Variants in CEBPG observed in about 807,000 individuals in gnomAD.
CEBPG encodes the protein CCAAT enhancer binding protein gamma, also known as CCAAT/enhancer-binding protein gamma.
Under a neutral mutation model 11.1 loss-of-function variants are expected in CEBPG, and 6 were observed. The observed-to-expected ratio is 0.54, with a 90% CI of 0.30 to 1.07. CEBPG has a LOEUF of 1.07. Ranked by LOEUF, CEBPG falls within the 50% of genes least tolerant of loss-of-function variation. The pLI is 0.07. For synonymous variants in CEBPG, 66 were observed against 71.0 expected (o/e 0.93, Z 0.36); for missense variants, 161 against 187.4 (o/e 0.86, Z 0.82).
At chr19:33,376,944 C>T (rs1967918871) in intron 1 of CEBPG, among the ~76,000 whole-genome samples, 1 of 152,198 alleles carries the variant, frequency 6.6e-6, no homozygotes, top group Non-Finnish European at 1.5e-5. Flanking sequence ...ACAAAACATT[C>T]TTGGAGTTAT....
chr19:33,377,516 G>T lies in CEBPG; in HGVS notation c.-96-1628G>T, dbSNP rs575019963. On this transcript the variant is annotated intron_variant, in intron 1 of 1. Coordinates refer to ENST00000284000, the MANE Select transcript of CEBPG (RefSeq NM_001806.4). ...CAGTCTCAGGGGAGGTGTTAAACAA[G>T]TTCTTAAAAATTGAGTAAAGCACCT... Among the ~76,000 whole-genome samples the T allele has an allele frequency of 2.0e-5, 3 of 152,266 alleles. No homozygotes were observed. The South Asian group carries it at 6.2e-4, about 32-fold the overall frequency.
At chr19:33,378,798 A>T (rs764052047) in intron 1 of CEBPG, among the ~76,000 whole-genome samples, 1 of 152,174 alleles carries the variant, frequency 6.6e-6, no homozygotes, top group African/African-American at 2.4e-5. Context: ...CTCCTACTAC[A>T]GTCAGCTGCA....
In CEBPG at chr19:33,379,904, G is replaced by C. The variant is rs1171877067; in HGVS notation, c.*212G>C. Reference sequence around the variant, plus strand: ...GGTTTTAAATGATAGAGGTTTTTGTGGGAATCAAAATCCCCCAAATGTTAA... The same window carrying C: ...GGTTTTAAATGATAGAGGTTTTTGTCGGAATCAAAATCCCCCAAATGTTAA... On this transcript the variant is annotated 3_prime_UTR_variant, in exon 2 of 2. Coordinates refer to ENST00000284000, the MANE Select transcript of CEBPG (RefSeq NM_001806.4). 1 of 470,240 alleles carries C rather than the reference G, an allele frequency of 2.1e-6. No homozygotes were observed. Among genetic ancestry groups the C allele is most frequent in the Non-Finnish European group, 3.8e-6 (1 of 260,990 alleles). 29.1% of individuals were successfully genotyped at this position (470,240 alleles called of 1,614,324 possible). A position where few individuals can be genotyped will look rare whatever the true frequency, so the allele number is the denominator to read the frequency against.
intron 1 of CEBPG, among the ~76,000 whole-genome samples, chr19:33,376,566 A>T (rs777610965): frequency 1.3e-5 from 2 of 152,112 alleles, no homozygotes; most frequent in Non-Finnish European, 2.9e-5. Flanking sequence ...TACATTTCTA[A>T]AGAGTTCCTG....
rs766495243 is a variant in CEBPG at position 33,379,684 on chromosome 19, G to T, written c.445G>T (p.Gly149Ter). 4 of 1,609,140 alleles carry T rather than the reference G, an allele frequency of 2.5e-6. No individual in the cohort carries two copies. The highest frequency in any genetic ancestry group is 3.4e-6 in the Non-Finnish European group (4 of 1,176,530). The change falls in exon 2 of 2, where the codon GGA becomes TGA. Residue 149 changes from glycine to a stop codon, truncating the protein, a stop_gained. Coordinates refer to ENST00000284000, the MANE Select transcript of CEBPG (RefSeq NM_001806.4). LOFTEE classifies it high-confidence loss of function. ...ENTTADGDNA[G>*]Q ...TACGACAGCAGATGGCGACAATGCA[G>T]GACAGTAGACCTCACCCTTTCCAGA...
At position 33,381,347 on chromosome 19, in the gene CEBPG, C is replaced by G. The variant is rs1188722405; in HGVS notation, c.*1655C>G. The G allele has an allele frequency of 6.0e-6, 1 of 167,034 alleles. No homozygotes were observed. Among genetic ancestry groups the G allele is most frequent in the East Asian group, 1.9e-4 (1 of 5,192 alleles). 10.3% of individuals were successfully genotyped at this position (167,034 alleles called of 1,614,324 possible). On this transcript the variant is annotated 3_prime_UTR_variant, in exon 2 of 2. Coordinates refer to ENST00000284000, the MANE Select transcript of CEBPG (RefSeq NM_001806.4). ...TGGGCAGGAGAAGACATCATGGTGT[C>G]CAGCAACTCAGCAAAGCCATTCTTA... is the stretch of plus-strand genomic sequence containing the variant.
intron 1 of CEBPG, among the ~76,000 whole-genome samples, 196 bp downstream of exon 1, chr19:33,374,091 A>C (rs1405336608): frequency 6.7e-6 from 1 of 149,128 alleles, no homozygotes. Flanking sequence ...TGCCGGCAAC[A>C]CCCGGCGGGG....
chr19:33,378,997 C>T, intron 1 of CEBPG, 147 bp from the exon 2 acceptor site: 1 of 393,096 alleles, frequency 2.5e-6, no homozygotes. Context: ...ATGATTTAGA[C>T]TTCAGAAACA....
rs1967956958 is a variant in CEBPG, at chr19:33,379,445, G to A, written c.206G>A (p.Arg69Gln). The change falls in exon 2 of 2, where the codon CGA becomes CAA. Residue 69 changes from arginine (R) to glutamine (Q), a missense_variant. Coordinates refer to ENST00000284000, the MANE Select transcript of CEBPG (RefSeq NM_001806.4). ...DRNSDEYRQR[R>Q]ERNNMAVKKS... ...AACAGTGACGAGTATCGGCAACGCC[G>A]AGAGAGGAACAACATGGCTGTGAAA... The A allele has an allele frequency of 1.2e-6, 2 of 1,614,064 alleles. No homozygotes were observed. Among genetic ancestry groups the A allele is most frequent in the Non-Finnish European group, 1.7e-6 (2 of 1,180,030 alleles).
intron 1 of CEBPG, among the ~76,000 whole-genome samples, chr19:33,376,977 T>G (rs1225523240): frequency 6.6e-6 from 1 of 152,180 alleles, no homozygotes; most frequent in Non-Finnish European, 1.5e-5. Context: ...CAAGTTTCTC[T>G]TTCTTACATT....
Position 33,381,252 on chromosome 19 carries a change from G to C in CEBPG, c.*1560G>C, listed in dbSNP as rs1345815560. On this transcript the variant is annotated 3_prime_UTR_variant, in exon 2 of 2. Transcript: ENST00000284000. ...ATTGCTGTTTCATACTAGGACTTGG[G>C]ATGATGTAGCCAGAATAAAACTCAA... The C allele has an allele frequency of 1.8e-5, 3 of 167,060 alleles. No homozygotes were observed. Among genetic ancestry groups the C allele is most frequent in the African/African-American group, 7.2e-5 (3 of 41,428 alleles). The allele number at this position is 167,060 out of a possible 1,614,324, so 10.3% of individuals were successfully genotyped here.
In CEBPG at chr19:33,379,155, G is replaced by A. The variant is rs1391945301; in HGVS notation, c.-85G>A. The A allele has an allele frequency of 1.6e-6, 2 of 1,259,444 alleles. No individual in the cohort carries two copies. Among genetic ancestry groups the A allele is most frequent in the Non-Finnish European group, 2.1e-6 (2 of 930,478 alleles). The allele number at this position is 1,259,444 out of a possible 1,614,324, so 78.0% of individuals were successfully genotyped here. A position where few individuals can be genotyped will look rare whatever the true frequency, so the allele number is the denominator to read the frequency against. On this transcript the variant is annotated 5_prime_UTR_variant, in exon 2 of 2. Transcript: ENST00000284000. The stretch of plus-strand genomic sequence containing the variant: ...TATTTTTTAACTAGGTACATGTGAA[G>A]ATTTTTTGGCAGCTTAGCGTGGAAA...
chr19:33,373,749 C>T lies in CEBPG; in HGVS notation c.-243C>T, dbSNP rs964826415. 7 of 151,306 alleles carry T rather than the reference C, an allele frequency of 4.6e-5. No individual in the cohort carries two copies. The highest frequency in any genetic ancestry group is 7.4e-5 in the Non-Finnish European group (5 of 67,822). 9.4% of individuals were successfully genotyped at this position (151,306 alleles called of 1,614,324 possible). On this transcript the variant is annotated 5_prime_UTR_variant, in exon 1 of 2. Transcript: ENST00000284000. ...GAGCAGGGGAAGCCGGTGGCCGCGG[C>T]TGCGGAACGGGCGGAGGCTGCCGGT...
rs570994042 is a variant in CEBPG, at chr19:33,378,612, G to A, written c.-96-532G>A. Among the ~76,000 whole-genome samples, 4 of 152,310 alleles carry A rather than the reference G, an allele frequency of 2.6e-5. No individual in the cohort carries two copies. The South Asian group carries it at 8.3e-4, about 32-fold the overall frequency. ...AAACTACCTTTTCAAAATATCCGAT[G>A]AAGAGAGCTCTGGGAGAGAACTCAA... On this transcript the variant is annotated intron_variant, in intron 1 of 1. Transcript: ENST00000284000.
chr19:33,374,251 G>A (rs1967882251), intron 1 of CEBPG: 1 of 151,888 alleles, frequency 6.6e-6, no homozygotes, highest in Non-Finnish European at 1.5e-5. Context: ...GGTGAAACGG[G>A]CGCTGTGACC....
rs1463365407 is a variant in CEBPG at position 33,380,315 on chromosome 19, G to A, written c.*623G>A. 1 of 166,868 alleles carries A rather than the reference G, an allele frequency of 6.0e-6. No homozygotes were observed. The highest frequency in any genetic ancestry group is 1.5e-5 in the Non-Finnish European group (1 of 68,124). 10.3% of individuals were successfully genotyped at this position (166,868 alleles called of 1,614,324 possible). On this transcript the variant is annotated 3_prime_UTR_variant, in exon 2 of 2. Coordinates refer to ENST00000284000, the MANE Select transcript of CEBPG (RefSeq NM_001806.4). The stretch of plus-strand genomic sequence containing the variant: ...CTTCATCACATCTTATAGGTAGTGT[G>A]TGGCCAATTGACTTAAAAAATACAA...
rs773661325 is a variant in CEBPG at position 33,379,252 on chromosome 19, T to C, written c.13T>C (p.Ser5Pro). The change falls in exon 2 of 2, where the codon TCG becomes CCG. Residue 5 changes from serine to proline, a missense_variant. Ser to Pro is a moderately conservative substitution (Grantham distance 74). Coordinates refer to ENST00000284000, the MANE Select transcript of CEBPG (RefSeq NM_001806.4). Reference protein sequence around the residue: MSKISQQNSTPGVNG... With the variant: MSKIPQQNSTPGVNG... Reference sequence around the variant, plus strand: ...GGAGAGTGCCCAAATGAGCAAGATATCGCAGCAAAACAGCACTCCAGGGGT... The same window carrying C: ...GGAGAGTGCCCAAATGAGCAAGATACCGCAGCAAAACAGCACTCCAGGGGT... 4.5e-6 allele frequency: 7 copies of C among 1,541,806 alleles called. No homozygotes were observed. Among genetic ancestry groups the C allele is most frequent in the Non-Finnish European group, 6.1e-6 (7 of 1,144,522 alleles).
Position 33,380,468 on chromosome 19 carries a change from G to A in CEBPG, c.*776G>A, listed in dbSNP as rs1389061038. 6.0e-6 allele frequency: 1 copy of A among 166,942 alleles called. No individual in the cohort carries two copies. Among genetic ancestry groups the A allele is most frequent in the African/African-American group, 2.4e-5 (1 of 41,432 alleles). The allele number at this position is 166,942 out of a possible 1,614,324, so 10.3% of individuals were successfully genotyped here. A position where few individuals can be genotyped will look rare whatever the true frequency, so the allele number is the denominator to read the frequency against. ...TAAAAACCCAACTCAGTGGTGTAGA[G>A]AAACTTGTGTACCAAAATTTTAGTT... On this transcript the variant is annotated 3_prime_UTR_variant, in exon 2 of 2. Coordinates refer to ENST00000284000, the MANE Select transcript of CEBPG (RefSeq NM_001806.4).
At chr19:33,376,382 TAAAAC>T (rs1214510986) in intron 1 of CEBPG, among the ~76,000 whole-genome samples, 2 of 152,240 alleles carry the variant, frequency 1.3e-5, no homozygotes, top group Non-Finnish European at 2.9e-5. Context: ...AAGTTTGAAT[TAAAAC>T]AAAGCCTATT....
Sources: gnomAD v4.1 joint callset for allele counts (sites outside exome capture counted in the v4.1 genomes callset) on GRCh38, gnomAD v4.1.1 for gene constraint, MANE v1.5 for transcripts, NCBI Gene and HGNC (gene_info 2026-07-23, HGNC 2026-07-21) for gene names.